SPATA13: variants seen among roughly 807,000 people sequenced by gnomAD.
The protein encoded by SPATA13 is spermatogenesis-associated protein 13.
SPATA13 carries 50 observed loss-of-function variants against 104.0 expected under a neutral mutation model. The observed-to-expected ratio is 0.48, with a 90% CI of 0.38 to 0.61. The LOEUF is 0.61. SPATA13 is among the 20% of genes least tolerant of loss of function. The probability of loss-of-function intolerance (pLI) is 0.00; values close to 1 mark genes in which losing one functional copy is unlikely to be tolerated. For missense variants in SPATA13, 1,524 were observed against 1,690.6 expected (o/e 0.90, Z 1.73); for synonymous variants, 606 against 667.5 (o/e 0.91, Z 1.42).
intron 1 of SPATA13, among the ~76,000 whole-genome samples, chr13:24,197,846 T>C (rs1870154161): frequency 6.6e-6 from 1 of 152,168 alleles, no homozygotes; most frequent in South Asian, 2.1e-4. Flanking sequence ...TTGTGTTCCC[T>C]GGCTCTCTCA....
intron 2 of SPATA13, among the ~76,000 whole-genome samples, chr13:24,234,173 C>T (rs1872445981): frequency 6.6e-6 from 1 of 152,186 alleles, no homozygotes. Context: ...TCATGATGTA[C>T]TGCATCTTAT....
At chr13:24,003,815 G>T (rs1373321561) in intron 2 of SPATA13, among the ~76,000 whole-genome samples, 2 of 152,026 alleles carry the variant, frequency 1.3e-5, no homozygotes, top group African/African-American at 4.8e-5. Flanking sequence ...TTCTATACTT[G>T]ATTTGACTCA....
chr13:24,275,870 G>C (rs983047482), intron 4 of SPATA13, among the ~76,000 whole-genome samples: 1 of 152,202 alleles, frequency 6.6e-6, no homozygotes, highest in Admixed American at 6.5e-5. Flanking sequence ...GGAGGCAAAG[G>C]CTGCAGTGAG....
intron 2 of SPATA13, among the ~76,000 whole-genome samples, chr13:24,225,450 G>A (rs567194175): frequency 2.0e-5 from 3 of 152,254 alleles, no homozygotes; most frequent in Non-Finnish European, 4.4e-5. Context: ...CCCAAAGAGG[G>A]TGTTACGGCC....
intron 1 of SPATA13, among the ~76,000 whole-genome samples, chr13:24,189,203 G>C (rs1366109585): frequency 6.6e-6 from 1 of 152,112 alleles, no homozygotes; most frequent in Non-Finnish European, 1.5e-5. Context: ...CAGGCGTGGT[G>C]GCTCATGCCT....
At chr13:24,057,915 G>A (rs1193026446) in intron 3 of SPATA13, among the ~76,000 whole-genome samples, 2 of 151,592 alleles carry the variant, frequency 1.3e-5, no homozygotes, top group East Asian at 1.9e-4. Flanking sequence ...TCCTCCCCAC[G>A]CTGCCCTAAC....
At chr13:23,983,502 G>A (rs768732443) in intron 1 of SPATA13, among the ~76,000 whole-genome samples, 3 of 152,158 alleles carry the variant, frequency 2.0e-5, no homozygotes, top group Non-Finnish European at 2.9e-5. Context: ...TTAAAAAGTG[G>A]ACACTGATCT....
At chr13:24,202,351 T>C (rs529197431) in intron 1 of SPATA13, among the ~76,000 whole-genome samples, 1 of 151,906 alleles carries the variant, frequency 6.6e-6, no homozygotes, top group South Asian at 2.1e-4. Flanking sequence ...CCACACCGAG[T>C]AGATGGCCCA....
At chr13:24,190,271 T>A (rs545794512) in intron 1 of SPATA13, among the ~76,000 whole-genome samples, 505 of 6,702 alleles carry the variant, frequency 0.075, 190 homozygotes, top group African/African-American at 0.2. Flanking sequence ...ATAATATATA[T>A]TATTATATAT....
chr13:24,198,754 C>T (rs7318364), intron 1 of SPATA13, among the ~76,000 whole-genome samples: 27,208 of 151,922 alleles, frequency 0.18, 2,559 homozygotes, highest in African/African-American at 0.2. Context: ...CGTGCTGCCA[C>T]GAGGACATGG....
intron 3 of SPATA13, among the ~76,000 whole-genome samples, chr13:24,101,625 T>G (rs928249386): frequency 6.6e-6 from 1 of 152,244 alleles, no homozygotes; most frequent in Non-Finnish European, 1.5e-5. Context: ...CTATATTCAC[T>G]GAACAACTCA....
At chr13:24,148,966 G>T (rs537332681) in intron 3 of SPATA13, among the ~76,000 whole-genome samples, 2 of 152,176 alleles carry the variant, frequency 1.3e-5, no homozygotes, top group African/African-American at 4.8e-5. Context: ...TGAGAGCAGG[G>T]CTCTGTGACT....
intron 3 of SPATA13, among the ~76,000 whole-genome samples, chr13:24,101,412 C>A (rs537200388): frequency 6.6e-6 from 1 of 152,132 alleles, no homozygotes; most frequent in South Asian, 2.1e-4. Context: ...TATTTGTCAT[C>A]CAGCTTGGAT....
intron 2 of SPATA13, among the ~76,000 whole-genome samples, chr13:24,007,625 T>G (rs1223002812): frequency 1.3e-5 from 2 of 152,120 alleles, no homozygotes; most frequent in African/African-American, 4.8e-5. Context: ...CTGGATAATT[T>G]TTTGTATTTT....
intron 3 of SPATA13, among the ~76,000 whole-genome samples, chr13:24,069,485 T>G (rs917418095): frequency 5.9e-5 from 9 of 152,196 alleles, no homozygotes; most frequent in African/African-American, 2.2e-4. Context: ...CCTGAGACAT[T>G]GTTGAAGTTG....
At chr13:24,218,330 G>C (rs572219363) in intron 1 of SPATA13, among the ~76,000 whole-genome samples, 67 of 152,322 alleles carry the variant, frequency 4.4e-4, no homozygotes, top group Non-Finnish European at 8.4e-4. Flanking sequence ...AATCTGTAGG[G>C]AAGGAAGAGG....
chr13:24,012,606 T>A (rs1876521546), intron 2 of SPATA13, among the ~76,000 whole-genome samples: 1 of 152,222 alleles, frequency 6.6e-6, no homozygotes, highest in Non-Finnish European at 1.5e-5. Context: ...CTGGTTGATC[T>A]TTTTCTGCCC....
chr13:24,125,169 C>T (rs1197365119), intron 3 of SPATA13, among the ~76,000 whole-genome samples: 2 of 152,214 alleles, frequency 1.3e-5, no homozygotes, highest in African/African-American at 4.8e-5. Flanking sequence ...CATCAGCTTG[C>T]GTGGAGAGGC....
intron 1 of SPATA13, among the ~76,000 whole-genome samples, chr13:24,164,232 G>A (rs1314311124): frequency 6.6e-6 from 1 of 152,238 alleles, no homozygotes; most frequent in African/African-American, 2.4e-5. Context: ...AAATGAAAGA[G>A]CAGTAAAGGG....
Sources: gnomAD v4.1 joint callset for allele counts (sites outside exome capture counted in the v4.1 genomes callset) on GRCh38, gnomAD v4.1.1 for gene constraint, MANE v1.5 for transcripts, NCBI Gene and HGNC (gene_info 2026-07-23, HGNC 2026-07-21) for gene names.